Variants in CSE1L observed in about 807,000 individuals in gnomAD.
CSE1L encodes the protein exportin-2.
Under a neutral mutation model 120.4 loss-of-function variants are expected in CSE1L, and 24 were observed. The ratio of observed to expected loss-of-function variants is 0.20; its 90% CI spans 0.14 to 0.28. The LOEUF is 0.28. Ranked by LOEUF, CSE1L falls within the 10% of genes least tolerant of loss-of-function variation. CSE1L has a pLI of 1.00. For synonymous variants in CSE1L, 402 were observed against 398.3 expected (o/e 1.01, Z -0.11); for missense variants, 830 against 1,145.2 (o/e 0.72, Z 3.97).
chr20:49,076,894 G>C (rs2091972782), intron 12 of CSE1L, 86 bp from the exon 13 acceptor site: 1 of 784,614 alleles, frequency 1.3e-6, no homozygotes, highest in Non-Finnish European at 2.0e-6. Context: ...ATTTTAACAT[G>C]GTTTTCTAAA....
In CSE1L at chr20:49,072,237, T is replaced by C. The variant is rs149865907; in HGVS notation, c.769-49T>C. On this transcript the variant is annotated intron_variant, in intron 8 of 24. Transcript: ENST00000262982. ...GAATTTCAGTTACTCCTCTTACTTA[T>C]GTTAGCATTAGAGTTGTATGTTGGA... 2.6e-4 allele frequency: 404 copies of C among 1,583,734 alleles called. 2 individuals are homozygous for C. In the African/African-American group the frequency reaches 4.9e-3, roughly 19 times the overall value.
At chr20:49,083,009 A>G (rs1006933217) in intron 14 of CSE1L, among the ~76,000 whole-genome samples, 30 of 146,218 alleles carry the variant, frequency 2.1e-4, no homozygotes, top group South Asian at 4.3e-4. Context: ...TGTCCTTAAC[A>G]TCTTTTTTTT....
intron 15 of CSE1L, 94 bp from the exon 16 acceptor site, chr20:49,085,189 A>G: frequency 1.1e-6 from 1 of 887,424 alleles, no homozygotes; most frequent in South Asian, 1.4e-5. Context: ...GCTCAGTTTT[A>G]TGCTGAGAAG....
chr20:49,071,349 A>C (rs935929148), intron 8 of CSE1L, among the ~76,000 whole-genome samples: 2 of 152,242 alleles, frequency 1.3e-5, no homozygotes, highest in African/African-American at 4.8e-5. Context: ...TTTTCTTCAC[A>C]CAAAAGTCAC....
chr20:49,055,911 A>T (rs970217443), intron 1 of CSE1L, among the ~76,000 whole-genome samples: 1 of 150,886 alleles, frequency 6.6e-6, no homozygotes, highest in Non-Finnish European at 1.5e-5. Flanking sequence ...TTGAATTATG[A>T]TATCCTTGAA....
intron 3 of CSE1L, among the ~76,000 whole-genome samples, chr20:49,065,142 A>G (rs981219876): frequency 7.5e-6 from 1 of 132,940 alleles, no homozygotes; most frequent in Non-Finnish European, 1.6e-5. Flanking sequence ...TGGGTGACAG[A>G]TGGAAACCCA....
At chr20:49,075,074 C>T (rs1307566399) in intron 11 of CSE1L, among the ~76,000 whole-genome samples, 1 of 151,904 alleles carries the variant, frequency 6.6e-6, no homozygotes, top group African/African-American at 2.4e-5. Context: ...TAGTATTTAT[C>T]AAAATTCTGT....
In CSE1L at chr20:49,063,385, T is replaced by G. The variant is rs757283076; in HGVS notation, c.228+41T>G. 3 of 1,274,710 alleles carry G rather than the reference T, an allele frequency of 2.4e-6. No homozygotes were observed. In the South Asian group the frequency reaches 4.5e-5, roughly 19 times the overall value. The allele number at this position is 1,274,710 out of a possible 1,614,324, so 79.0% of individuals were successfully genotyped here. On this transcript the variant is annotated intron_variant, in intron 3 of 24. Coordinates refer to ENST00000262982, the MANE Select transcript of CSE1L (RefSeq NM_001316.4). ...ATACATAATTTAATACCCTGTATGT[T>G]TATAAGGTTTATATAAGCAGTGTTC...
intron 1 of CSE1L, among the ~76,000 whole-genome samples, chr20:49,052,143 T>C (rs1052942487): frequency 6.6e-6 from 1 of 152,238 alleles, no homozygotes; most frequent in Non-Finnish European, 1.5e-5. Flanking sequence ...TCTGAAGGGA[T>C]AGTCTCCAGT....
intron 3 of CSE1L, among the ~76,000 whole-genome samples, 165 bp from the exon 4 acceptor site, chr20:49,066,027 A>G (rs2091889615): frequency 6.6e-6 from 1 of 152,190 alleles, no homozygotes; most frequent in Non-Finnish European, 1.5e-5. Flanking sequence ...TATTGAAGGA[A>G]TCTGTGACCC....
At chr20:49,065,558 GAGCC>G (rs1206886205) in intron 3 of CSE1L, among the ~76,000 whole-genome samples, 1 of 141,596 alleles carries the variant, frequency 7.1e-6, no homozygotes, top group African/African-American at 2.6e-5. Flanking sequence ...GACCTTGAGT[GAGCC>G]ATCGCACCTG....
intron 3 of CSE1L, 81 bp downstream of exon 3, chr20:49,063,425 A>G (rs1214679044): frequency 1.0e-6 from 1 of 953,270 alleles, no homozygotes; most frequent in Non-Finnish European, 1.5e-6. Flanking sequence ...AAGATAAGGC[A>G]CGTGCTTGTA....
Position 49,068,723 on chromosome 20 carries a change from T to G in CSE1L, c.576T>G (p.Ile192Met), listed in dbSNP as rs777463881. 1.1e-5 allele frequency: 17 copies of G among 1,612,326 alleles called. No individual in the cohort carries two copies. In the East Asian group the frequency reaches 3.3e-4, roughly 32 times the overall value. ...CTAAATTCCTTTCCAAGGCCACTAT[T>G]GAACTCTGCAGTACCCATGCAAATG... The part of the protein sequence containing the change: ...LPLTNLFKAT[I>M]ELCSTHANDA... Residue 192 changes from isoleucine (I) to methionine (M), a missense_variant, in exon 7 of 25, where the codon ATT (isoleucine) becomes ATG (methionine). Physicochemically the swap from Ile to Met is conservative, Grantham distance 10. Around this residue, in one of 4 missense-constraint regions of CSE1L, gnomAD observed 543 missense variants for 640.2 expected, o/e 0.85. Transcript: ENST00000262982.
At chr20:49,083,721 G>T (rs564405053) in intron 14 of CSE1L, among the ~76,000 whole-genome samples, 1 of 152,324 alleles carries the variant, frequency 6.6e-6, no homozygotes, top group East Asian at 1.9e-4. Flanking sequence ...TGCTAGTGAT[G>T]ATTCTTAAGT....
At chr20:49,079,777 C>T (rs2091996610) in intron 14 of CSE1L, among the ~76,000 whole-genome samples, 1 of 152,000 alleles carries the variant, frequency 6.6e-6, no homozygotes, top group Non-Finnish European at 1.5e-5. Context: ...TTTCTATTTG[C>T]ATTTGGTCTA....
Position 49,075,538 on chromosome 20 carries a change from GGTTTT to G in CSE1L, c.1335+23_1335+27del. 6.2e-7 allele frequency: 1 copy of G among 1,607,822 alleles called. No homozygotes were observed. Among genetic ancestry groups the G allele is most frequent in the African/African-American group, 1.3e-5 (1 of 74,814 alleles). On this transcript the variant is annotated intron_variant, in intron 12 of 24. Coordinates refer to ENST00000262982, the MANE Select transcript of CSE1L (RefSeq NM_001316.4). ...CACAGAAGGTAAATATTTTTAATGT[GGTTTT>G]GTTTCTAAAACAGACATCAGTGACA...
intron 5 of CSE1L, 123 bp from the exon 6 acceptor site, chr20:49,067,067 T>TGAATTTCG (rs1415403070): frequency 2.1e-5 from 9 of 432,852 alleles, no homozygotes; most frequent in Admixed American, 4.0e-5. Context: ...GAATTCCCTT[T>TGAATTTCG]GAATTTCGGA....
intron 2 of CSE1L, among the ~76,000 whole-genome samples, chr20:49,059,149 G>A (rs2091832086): frequency 6.6e-6 from 1 of 151,246 alleles, no homozygotes; most frequent in Non-Finnish European, 1.5e-5. Flanking sequence ...AAAAAAGCCT[G>A]CTTTAGAGAT....
chr20:49,064,030 C>T (rs1428460267), intron 3 of CSE1L, among the ~76,000 whole-genome samples: 1 of 152,102 alleles, frequency 6.6e-6, no homozygotes, highest in East Asian at 1.9e-4. Flanking sequence ...GGCAGTTTGG[C>T]TCACCAGGGG....
Sources: gnomAD v4.1 joint callset for allele counts (sites outside exome capture counted in the v4.1 genomes callset) on GRCh38, gnomAD v4.1.1 for gene constraint, gnomAD v4.1.1 regional missense constraint, MANE v1.5 for transcripts, NCBI Gene and HGNC (gene_info 2026-07-23, HGNC 2026-07-21) for gene names.